The following RIPOR1 variants were observed in gnomAD, a reference collection of about 807,000 sequenced individuals.
The protein encoded by RIPOR1 is rho family-interacting cell polarization regulator 1.
RIPOR1 carries 58 observed loss-of-function variants against 116.5 expected under a neutral mutation model. The ratio of observed to expected loss-of-function variants is 0.50; its 90% CI spans 0.40 to 0.62. The LOEUF is 0.62. Ranked by LOEUF, RIPOR1 falls within the 20% of genes least tolerant of loss-of-function variation. RIPOR1 has a pLI of 0.00. For synonymous variants in RIPOR1, 605 were observed against 650.0 expected (o/e 0.93, Z 1.05); for missense variants, 1,372 against 1,586.2 (o/e 0.86, Z 2.29).
intron 1 of RIPOR1, 183 bp from the exon 2 acceptor site, chr16:67,538,241 G>A (rs1257887619): frequency 1.7e-5 from 11 of 645,316 alleles, no homozygotes; most frequent in Non-Finnish European, 2.4e-5. Context: ...GTCCGAGGCC[G>A]AGTCGCCTGC....
chr16:67,527,386 C>CA (rs34871331), upstream of RIPOR1, among the ~76,000 whole-genome samples: 571 of 147,252 alleles, frequency 3.9e-3, 7 homozygotes, highest in African/African-American at 0.013. Flanking sequence ...CTCCGTCCCC[C>CA]AAAAAAAAAC....
Position 67,542,882 on chromosome 16 carries a change from C to G in RIPOR1, c.2096C>G (p.Pro699Arg). ...TCCAAACACTCAGACCCCACCCTCC[C>G]AGGCACTGACTCCCTTCCCTGTAGT... ...SPSKHSDPTL[P>R]GTDSLPCSPP... is the part of the protein sequence containing the mutation. Residue 699 changes from proline to arginine, a missense_variant, in exon 13 of 22, where the codon CCA becomes CGA. Pro to Arg is a moderately radical substitution (Grantham distance 103). Around this residue, in one of 3 missense-constraint regions of RIPOR1, gnomAD observed 1,005 missense variants for 1,144.7 expected, o/e 0.88. Transcript: ENST00000042381. This position sits in a 1 kb window ranked among gnomAD's most constrained non-coding sequence, Gnocchi z 4.6. 1.2e-6 allele frequency: 2 copies of G among 1,612,828 alleles called. No homozygotes were observed. Among genetic ancestry groups the G allele is most frequent in the South Asian group, 2.2e-5 (2 of 90,912 alleles).
chr16:67,539,812 G>T (rs746842326), intron 5 of RIPOR1, 34 bp from the exon 6 acceptor site: 1 of 1,614,180 alleles, frequency 6.2e-7, no homozygotes. Context: ...AGGACCCTGG[G>T]CCTCAGGCCC....
At position 67,544,945 on chromosome 16, in the gene RIPOR1, C is replaced by T. The variant is rs771709161; in HGVS notation, c.2870-11C>T. 6 of 1,610,616 alleles carry T rather than the reference C, an allele frequency of 3.7e-6. No homozygotes were observed. The African/African-American group carries it at 5.3e-5, about 14-fold the overall frequency. On this transcript the variant is annotated splice_polypyrimidine_tract_variant and intron_variant, in intron 16 of 21. Transcript: ENST00000042381. The surrounding 1 kb of genome is among the most constrained non-coding windows in gnomAD (Gnocchi z 5.1). ...TGCCTGTTGCTGACGGTTTCCCTCA[C>T]CCCCTCACAGTGGTGCAGTTCTCGG...
At position 67,522,266 on chromosome 16, in the gene RIPOR1, G is replaced by C. The variant is rs1318248055; in HGVS notation, c.-24+3653G>C. ...TCCCCAGGCTGGAGTGCAGTGGCGC[G>C]ATCTCGGCTCACTGAAACCTCCGCC... On this transcript the variant is annotated intron_variant, in intron 1 of 1. Coordinates refer to the RIPOR1 transcript ENST00000562116. Among the ~76,000 whole-genome samples, 4 of 144,072 alleles carry C rather than the reference G, an allele frequency of 2.8e-5. No individual in the cohort carries two copies. The Admixed American group carries it at 2.9e-4, about 10-fold the overall frequency. 94.5% of individuals were successfully genotyped at this position (144,072 alleles called of 152,430 possible). A position where few individuals can be genotyped will look rare whatever the true frequency, so the allele number is the denominator to read the frequency against.
chr16:67,545,235 CTT>C lies in RIPOR1; in HGVS notation c.3031+119_3031+120del. On this transcript the variant is annotated intron_variant, in intron 17 of 21. Transcript: ENST00000042381. The surrounding 1 kb of genome is among the most constrained non-coding windows in gnomAD (Gnocchi z 4.8). ...TGGGCACCGAGGAGACCAGCAAAGA[CTT>C]GGGCCTTAGAGCAGAAGGACCCAGA... is the stretch of plus-strand genomic sequence containing the variant. 6.5e-7 allele frequency: 1 copy of C among 1,528,822 alleles called. No homozygotes were observed. Among genetic ancestry groups the C allele is most frequent in the Non-Finnish European group, 8.9e-7 (1 of 1,126,762 alleles). 94.7% of individuals were successfully genotyped at this position (1,528,822 alleles called of 1,614,324 possible).
intron 1 of RIPOR1, among the ~76,000 whole-genome samples, chr16:67,533,799 G>A (rs995156316): frequency 2.7e-5 from 3 of 109,376 alleles, no homozygotes; most frequent in African/African-American, 1.1e-4. Flanking sequence ...AGGTCCACAA[G>A]CAGTCTTTTT....
At chr16:67,520,423 G>GAGAAGAGAAGAGAAGAGAAGAGAAGAGA (rs1555524553) in intron 1 of RIPOR1, among the ~76,000 whole-genome samples, 1 of 142,528 alleles carries the variant, frequency 7.0e-6, no homozygotes, top group Admixed American at 6.8e-5. Flanking sequence ...GGATGGAAAA[G>GAGAAGAGAAGAGAAGAGAAGAGAAGAGA]AGAGAAGAGA....
upstream of RIPOR1, among the ~76,000 whole-genome samples, chr16:67,525,632 C>T (rs1015944828): frequency 3.3e-5 from 5 of 152,086 alleles, no homozygotes; most frequent in African/African-American, 1.2e-4. Flanking sequence ...GCGGCTCTCA[C>T]CACCCTCTGC....
At chr16:67,533,061 AG>A (rs1194388665) in intron 1 of RIPOR1, among the ~76,000 whole-genome samples, 4 of 151,886 alleles carry the variant, frequency 2.6e-5, no homozygotes, top group African/African-American at 9.7e-5. Flanking sequence ...ACCTGGCAGG[AG>A]GGGGTGACCT....
At position 67,546,609 on chromosome 16, in the gene RIPOR1, C is replaced by G; in HGVS notation, c.*146C>G. ...AATCTAATATATTCTTCTGTTGCCCCTGGGGTTGGAGAGTCAGTGCCTGCA... is the reference window on the plus strand; with the variant it reads ...AATCTAATATATTCTTCTGTTGCCCGTGGGGTTGGAGAGTCAGTGCCTGCA... On this transcript the variant is annotated 3_prime_UTR_variant, in exon 22 of 22. Coordinates refer to ENST00000042381, the MANE Select transcript of RIPOR1 (RefSeq NM_024519.4). The G allele has an allele frequency of 1.5e-6, 1 of 672,804 alleles. No homozygotes were observed. Among genetic ancestry groups the G allele is most frequent in the Non-Finnish European group, 2.5e-6 (1 of 397,358 alleles). The allele number at this position is 672,804 out of a possible 1,614,324, so 41.7% of individuals were successfully genotyped here.
In RIPOR1 at chr16:67,529,965, G is replaced by T. The variant is rs2050611729; in HGVS notation, c.-24+1051G>T. The T allele has an allele frequency of 5.1e-6, 4 of 779,246 alleles. No individual in the cohort carries two copies. The highest frequency in any genetic ancestry group is 8.8e-6 in the Non-Finnish European group (4 of 456,910). The allele number at this position is 779,246 out of a possible 1,614,324, so 48.3% of individuals were successfully genotyped here. A position where few individuals can be genotyped will look rare whatever the true frequency, so the allele number is the denominator to read the frequency against. ...CCTCCGTGGTATTGGAGGGAGGAGA[G>T]GAATGATAATTGGGGGCTGAGGTAC... On this transcript the variant is annotated intron_variant, in intron 1 of 21. Coordinates refer to ENST00000042381, the MANE Select transcript of RIPOR1 (RefSeq NM_024519.4). This position sits in a 1 kb window ranked among gnomAD's most constrained non-coding sequence, Gnocchi z 4.1.
Position 67,545,447 on chromosome 16 carries a change from C to T in RIPOR1, c.3103C>T (p.Gln1035Ter). ...AAGGCCCCAGCCAGGGCCTGGAGAGCAGCTCACAGTCTTCCAGTTCTGGAG... is the reference window on the plus strand; with the variant it reads ...AAGGCCCCAGCCAGGGCCTGGAGAGTAGCTCACAGTCTTCCAGTTCTGGAG... ...PRRPQPGPGE[Q>*]LTVFQFWSFV... is the part of the protein sequence containing the mutation. Residue 1035 changes from glutamine (Q) to a stop codon, truncating the protein, a stop_gained, in exon 18 of 22, where the codon CAG becomes TAG. Coordinates refer to ENST00000042381, the MANE Select transcript of RIPOR1 (RefSeq NM_024519.4). LOFTEE classifies it high-confidence loss of function. The surrounding 1 kb of genome is among the most constrained non-coding windows in gnomAD (Gnocchi z 4.8). 1 of 1,614,052 alleles carries T rather than the reference C, an allele frequency of 6.2e-7. No homozygotes were observed. The highest frequency in any genetic ancestry group is 8.5e-7 in the Non-Finnish European group (1 of 1,180,042).
rs1051979915 is a variant in RIPOR1, at chr16:67,545,206, G to A, written c.3031+89G>A. 3.7e-5 allele frequency: 58 copies of A among 1,559,406 alleles called. No individual in the cohort carries two copies. The highest frequency in any genetic ancestry group is 4.5e-5 in the Non-Finnish European group (52 of 1,146,372). The stretch of plus-strand genomic sequence containing the variant: ...GCCAGGTCAGCCCACACAGATAAAC[G>A]AACTGGGCACCGAGGAGACCAGCAA... On this transcript the variant is annotated intron_variant, in intron 17 of 21. Coordinates refer to ENST00000042381, the MANE Select transcript of RIPOR1 (RefSeq NM_024519.4). This position sits in a 1 kb window ranked among gnomAD's most constrained non-coding sequence, Gnocchi z 4.8.
In RIPOR1 at chr16:67,546,577, C is replaced by A; in HGVS notation, c.*114C>A. 1.3e-6 allele frequency: 1 copy of A among 778,384 alleles called. No homozygotes were observed. Among genetic ancestry groups the A allele is most frequent in the Non-Finnish European group, 2.1e-6 (1 of 480,566 alleles). The allele number at this position is 778,384 out of a possible 1,614,324, so 48.2% of individuals were successfully genotyped here. On this transcript the variant is annotated 3_prime_UTR_variant, in exon 22 of 22. Coordinates refer to ENST00000042381, the MANE Select transcript of RIPOR1 (RefSeq NM_024519.4). ...ATACCCCTCCCCCACAGATTCCTAG[C>A]AATGAAAATCTAATATATTCTTCTG... is the stretch of plus-strand genomic sequence containing the variant.
chr16:67,544,767 G>C lies in RIPOR1; in HGVS notation c.2806G>C (p.Val936Leu). ...GGAGCGGCTGCTGCGGGAAGCCCGA[G>C]TACTGGAGGCAGTATGCGAGTTCAG... is the stretch of plus-strand genomic sequence containing the variant. The part of the protein sequence containing the change: ...ALERLLREAR[V>L]LEAVCEFSRR... Residue 936 changes from valine to leucine, a missense_variant, in exon 16 of 22, where the codon GTA becomes CTA. Physicochemically the swap from Val to Leu is conservative, Grantham distance 32. Coordinates refer to ENST00000042381, the MANE Select transcript of RIPOR1 (RefSeq NM_024519.4). This position sits in a 1 kb window ranked among gnomAD's most constrained non-coding sequence, Gnocchi z 5.1. 1 of 1,610,320 alleles carries C rather than the reference G, an allele frequency of 6.2e-7. No homozygotes were observed. The highest frequency in any genetic ancestry group is 8.5e-7 in the Non-Finnish European group (1 of 1,177,470).
Position 67,544,700 on chromosome 16 carries a change from G to A in RIPOR1, c.2739G>A (p.Leu913=), listed in dbSNP as rs745551238. The A allele has an allele frequency of 1.2e-6, 2 of 1,613,030 alleles. No homozygotes were observed. The highest frequency in any genetic ancestry group is 1.7e-6 in the Non-Finnish European group (2 of 1,180,010). Residue 913 remains leucine (L), a synonymous_variant, in exon 16 of 22, where the codon CTG becomes CTA. Coordinates refer to ENST00000042381, the MANE Select transcript of RIPOR1 (RefSeq NM_024519.4). This position sits in a 1 kb window ranked among gnomAD's most constrained non-coding sequence, Gnocchi z 5.1. ...LYHCSRLLLK[L]GTFGPLRCQE... The stretch of plus-strand genomic sequence containing the variant: ...TGGCCACCCATGTTCTCCAGAAACT[G>A]GGCACATTTGGGCCCCTGCGCTGCC...
rs148771796 is a variant in RIPOR1 at position 67,542,675 on chromosome 16, C to T, written c.1889C>T (p.Thr630Ile). ...CCCACCCATACCCCCACAAGTCCCA[C>T]CCACAAAACCAGTATGTCACCTCCC... ...TSPTHTPTSP[T>I]HKTSMSPPTT... The change falls in exon 13 of 22, where the codon ACC (threonine) becomes ATC (isoleucine). Residue 630 changes from threonine (T) to isoleucine (I), a missense_variant. Physicochemically the swap from Thr to Ile is moderately conservative, Grantham distance 89. Around this residue, in one of 3 missense-constraint regions of RIPOR1, gnomAD observed 1,005 missense variants for 1,144.7 expected, o/e 0.88. Coordinates refer to ENST00000042381, the MANE Select transcript of RIPOR1 (RefSeq NM_024519.4). The surrounding 1 kb of genome is among the most constrained non-coding windows in gnomAD (Gnocchi z 4.6). 125 of 1,613,240 alleles carry T rather than the reference C, an allele frequency of 7.7e-5. No individual in the cohort carries two copies. Among genetic ancestry groups the T allele is most frequent in the Non-Finnish European group, 8.9e-5 (105 of 1,179,782 alleles).
chr16:67,520,235 G>A (rs34430521), intron 1 of RIPOR1, among the ~76,000 whole-genome samples: 1 of 151,670 alleles, frequency 6.6e-6, no homozygotes, highest in Non-Finnish European at 1.5e-5. Context: ...AAAAAATTTA[G>A]CCGGGCATGG....
Sources: gnomAD v4.1 joint callset for allele counts (sites outside exome capture counted in the v4.1 genomes callset) on GRCh38, gnomAD v4.1.1 for gene constraint, gnomAD v4.1.1 regional missense constraint, Gnocchi (gnomAD v3.1) non-coding constraint, MANE v1.5 for transcripts, NCBI Gene and HGNC (gene_info 2026-07-23, HGNC 2026-07-21) for gene names.